The following NBAS variants were observed in gnomAD, a reference collection of about 807,000 sequenced individuals.
The protein encoded by NBAS is NAG/BC035112 fusion.
A neutral mutation model predicts 302.5 loss-of-function variants in NBAS; 219 were observed. The ratio of observed to expected loss-of-function variants is 0.72; its 90% confidence interval spans 0.65 to 0.81. The LOEUF (loss-of-function observed/expected upper bound fraction) is 0.81, where lower values mean the gene tolerates loss of function less well. NBAS is among the 30% of genes least tolerant of loss of function. The probability of loss-of-function intolerance (pLI) is 0.00; values close to 1 mark genes in which losing one functional copy is unlikely to be tolerated. For missense variants in NBAS, 2,932 were observed against 2,841.6 expected (o/e 1.03, Z -0.72); for synonymous variants, 1,118 against 1,021.6 (o/e 1.09, Z -1.80).
the NBAS span, among the ~76,000 whole-genome samples, chr2:15,033,178 C>G: frequency 6.6e-6 from 1 of 152,250 alleles, no homozygotes; most frequent in Non-Finnish European, 1.5e-5. Flanking sequence ...AGGTTTAGTG[C>G]TGTTTGCCCT....
chr2:14,825,352 A>G, the NBAS span, among the ~76,000 whole-genome samples: 1 of 152,174 alleles, frequency 6.6e-6, no homozygotes, highest in African/African-American at 2.4e-5. Flanking sequence ...TCTGGTGAAC[A>G]TGGTTGTTAT....
intron 21 of NBAS, among the ~76,000 whole-genome samples, chr2:15,437,042 G>A (rs1486254973): frequency 6.6e-6 from 1 of 152,164 alleles, no homozygotes; most frequent in Admixed American, 6.5e-5. Flanking sequence ...AACATGTACA[G>A]CAGATTTTTT....
At chr2:15,334,426 G>A (rs1436045163) in intron 35 of NBAS, among the ~76,000 whole-genome samples, 4 of 152,018 alleles carry the variant, frequency 2.6e-5, no homozygotes, top group Non-Finnish European at 5.9e-5. Flanking sequence ...CTGACCTCAT[G>A]ATCCGCCCGC....
the NBAS span, among the ~76,000 whole-genome samples, chr2:14,955,855 G>A: frequency 1.4e-4 from 22 of 152,322 alleles, no homozygotes; most frequent in African/African-American, 4.8e-4. Flanking sequence ...AAGAGGGACT[G>A]CCATGAAGGT....
At chr2:15,485,633 A>T (rs1008202958) in intron 12 of NBAS, among the ~76,000 whole-genome samples, 1 of 152,256 alleles carries the variant, frequency 6.6e-6, no homozygotes, top group Admixed American at 6.5e-5. Flanking sequence ...AAAAGCTACA[A>T]GACGATCTTA....
chr2:15,474,669 T>G (rs1680111777), intron 14 of NBAS, among the ~76,000 whole-genome samples: 1 of 152,104 alleles, frequency 6.6e-6, no homozygotes, highest in Non-Finnish European at 1.5e-5. Flanking sequence ...CAGACGATTC[T>G]CCTGCCTCAG....
At chr2:15,313,511 T>C (rs903924900) in intron 38 of NBAS, among the ~76,000 whole-genome samples, 1 of 152,238 alleles carries the variant, frequency 6.6e-6, no homozygotes, top group Admixed American at 6.5e-5. Flanking sequence ...GATCAGTACC[T>C]ATCAGGCGAT....
At chr2:15,087,360 A>G in the NBAS span, among the ~76,000 whole-genome samples, 1 of 152,210 alleles carries the variant, frequency 6.6e-6, no homozygotes, top group African/African-American at 2.4e-5. Context: ...GGGCAGTATC[A>G]GTCACATAGT....
the NBAS span, among the ~76,000 whole-genome samples, chr2:15,127,737 T>C: frequency 6.6e-6 from 1 of 152,180 alleles, no homozygotes; most frequent in African/African-American, 2.4e-5. Flanking sequence ...ATGGCTGTAT[T>C]ATCAGACAAA....
chr2:15,099,270 T>C, the NBAS span, among the ~76,000 whole-genome samples: 2 of 152,084 alleles, frequency 1.3e-5, no homozygotes, highest in Non-Finnish European at 2.9e-5. Flanking sequence ...CACTCCAGCC[T>C]GGGCGACAGA....
intron 41 of NBAS, among the ~76,000 whole-genome samples, chr2:15,288,823 T>C (rs1301376489): frequency 6.6e-6 from 1 of 152,264 alleles, no homozygotes; most frequent in Non-Finnish European, 1.5e-5. Flanking sequence ...CCATGCCATT[T>C]ATATGCTTGC....
At chr2:15,299,731 A>C (rs1314916478) in intron 40 of NBAS, among the ~76,000 whole-genome samples, 1 of 152,238 alleles carries the variant, frequency 6.6e-6, no homozygotes, top group East Asian at 1.9e-4. Flanking sequence ...ATACATTTAC[A>C]ACAATTACAA....
intron 13 of NBAS, 58 bp downstream of exon 13, chr2:15,478,168 T>C (rs983946253): frequency 8.6e-7 from 1 of 1,158,448 alleles, no homozygotes; most frequent in Non-Finnish European, 1.3e-6. Flanking sequence ...CCAAAGAGAA[T>C]CTTGTATAAT....
At chr2:15,206,932 TG>T (rs1197346770) in intron 48 of NBAS, among the ~76,000 whole-genome samples, 2 of 152,160 alleles carry the variant, frequency 1.3e-5, no homozygotes, top group African/African-American at 4.8e-5. Context: ...AGGGGAAATG[TG>T]GGGTTGGAGC....
the NBAS span, among the ~76,000 whole-genome samples, chr2:14,991,591 G>A: frequency 2.0e-5 from 3 of 152,172 alleles, no homozygotes; most frequent in African/African-American, 7.2e-5. Flanking sequence ...CTGCCCAGGT[G>A]CATTACCCAT....
the NBAS span, among the ~76,000 whole-genome samples, chr2:14,917,574 G>A: frequency 3.3e-5 from 5 of 152,240 alleles, no homozygotes; most frequent in East Asian, 9.6e-4. Flanking sequence ...CCAGGAAGCA[G>A]AGATTATTGA....
chr2:15,037,972 G>A, the NBAS span, among the ~76,000 whole-genome samples: 1 of 151,708 alleles, frequency 6.6e-6, no homozygotes, highest in Non-Finnish European at 1.5e-5. Context: ...CTGTGGCCTG[G>A]TCCCAGCCTC....
the NBAS span, among the ~76,000 whole-genome samples, chr2:14,843,557 G>GACACACACACACACACACAC: frequency 1.5e-3 from 225 of 147,108 alleles, 2 homozygotes; most frequent in African/African-American, 5.3e-3. Context: ...TACAGACACA[G>GACACACACACACACACACAC]ACACACACAC....
chr2:15,281,194 C>T (rs1473294382), intron 42 of NBAS, among the ~76,000 whole-genome samples: 1 of 152,138 alleles, frequency 6.6e-6, no homozygotes, highest in Non-Finnish European at 1.5e-5. Context: ...TATGAATAGG[C>T]TTTGTCTCTT....
Sources: allele counts gnomAD v4.1 joint callset (sites outside exome capture counted in the v4.1 genomes callset), GRCh38; gene constraint gnomAD v4.1.1; transcripts MANE v1.5; gene names NCBI Gene and HGNC (gene_info 2026-07-23, HGNC 2026-07-21).